Variants in OSBPL11 observed in about 807,000 individuals in gnomAD.
The protein encoded by OSBPL11 is oxysterol-binding protein-related protein 11.
OSBPL11 carries 33 observed loss-of-function variants against 84.4 expected under a neutral mutation model. The ratio of observed to expected loss-of-function variants is 0.39; its 90% CI spans 0.30 to 0.52. OSBPL11 has a LOEUF of 0.52. OSBPL11 is among the 20% of genes least tolerant of loss of function. OSBPL11 has a pLI of 0.72. For missense variants in OSBPL11, 736 were observed against 901.1 expected (o/e 0.82, Z 2.35); for synonymous variants, 276 against 310.2 (o/e 0.89, Z 1.16).
At chr3:125,590,686 GGGTGT>G (rs910591892) in intron 1 of OSBPL11, among the ~76,000 whole-genome samples, 4 of 151,662 alleles carry the variant, frequency 2.6e-5, no homozygotes, top group Admixed American at 2.6e-4. Flanking sequence ...TCGTTGTTTT[GGGTGT>G]GCACATTAAT....
chr3:125,568,605 C>T (rs1370019274), intron 5 of OSBPL11, among the ~76,000 whole-genome samples: 1 of 152,188 alleles, frequency 6.6e-6, no homozygotes, highest in African/African-American at 2.4e-5. Context: ...ACTATGAGTG[C>T]ATAATGGCTT....
intron 6 of OSBPL11, 47 bp downstream of exon 6, chr3:125,567,347 A>G (rs902998526): frequency 6.9e-7 from 1 of 1,454,236 alleles, no homozygotes; most frequent in Non-Finnish European, 9.6e-7. Context: ...AGTCCTTTCC[A>G]TGTGTTGGCC....
chr3:125,558,125 T>C (rs2107598335), intron 8 of OSBPL11, among the ~76,000 whole-genome samples: 1 of 152,270 alleles, frequency 6.6e-6, no homozygotes, highest in East Asian at 1.9e-4. Flanking sequence ...AAGGTACAAA[T>C]GTAGAGAAAG....
chr3:125,587,579 C>T (rs1936533826), intron 1 of OSBPL11, among the ~76,000 whole-genome samples: 1 of 152,124 alleles, frequency 6.6e-6, no homozygotes, highest in African/African-American at 2.4e-5. Context: ...AAATCAGGAA[C>T]AACTGAGTAG....
intron 10 of OSBPL11, among the ~76,000 whole-genome samples, chr3:125,544,449 CA>C: frequency 6.6e-6 from 1 of 152,156 alleles, no homozygotes. Flanking sequence ...GTTAAATATT[CA>C]AAAATAAGAT....
chr3:125,573,317 T>C (rs935673161), intron 5 of OSBPL11, among the ~76,000 whole-genome samples: 51 of 152,116 alleles, frequency 3.4e-4, no homozygotes, highest in Admixed American at 1.3e-4. Context: ...GGCATATAAT[T>C]TGTCTGAAAA....
rs1020481386 is a variant in OSBPL11, at chr3:125,529,946, T to C, written c.*569A>G. On this transcript the variant is annotated 3_prime_UTR_variant, in exon 13 of 13. Transcript: ENST00000296220. ...TAGGTAAGTTCCTCAGACACAGGCA[T>C]ACAGTCTTTTTGAAGAAATAGAATG... The C allele has an allele frequency of 6.5e-6, 1 of 154,046 alleles. No homozygotes were observed. Among genetic ancestry groups the C allele is most frequent in the African/African-American group, 2.4e-5 (1 of 41,394 alleles). 9.5% of individuals were successfully genotyped at this position (154,046 alleles called of 1,614,324 possible).
At chr3:125,532,588 A>AAAC (rs1935575629) in intron 11 of OSBPL11, among the ~76,000 whole-genome samples, 1 of 150,550 alleles carries the variant, frequency 6.6e-6, no homozygotes, top group Admixed American at 6.6e-5. Flanking sequence ...AAAAAAAAAA[A>AAAC]AAAACAAAAA....
intron 4 of OSBPL11, among the ~76,000 whole-genome samples, chr3:125,578,233 G>A (rs11916865): frequency 0.067 from 10,184 of 152,066 alleles, 465 homozygotes; most frequent in Non-Finnish European, 0.098. Context: ...GCAACAACAC[G>A]GATGAACCTT....
At chr3:125,541,637 G>C (rs954704249) in intron 10 of OSBPL11, among the ~76,000 whole-genome samples, 1 of 152,184 alleles carries the variant, frequency 6.6e-6, no homozygotes, top group African/African-American at 2.4e-5. Context: ...GACTTCAGTG[G>C]TGAAATCATG....
intron 2 of OSBPL11, among the ~76,000 whole-genome samples, chr3:125,580,704 C>T (rs1936411347): frequency 6.6e-6 from 1 of 151,874 alleles, no homozygotes; most frequent in Non-Finnish European, 1.5e-5. Context: ...TGCCAAAGGA[C>T]AAATGGTAGT....
chr3:125,544,435 C>T (rs1580039784), intron 10 of OSBPL11, among the ~76,000 whole-genome samples: 2 of 151,976 alleles, frequency 1.3e-5, no homozygotes, highest in East Asian at 3.9e-4. Context: ...TTGCCAAAAC[C>T]AAAGTTAAAT....
chr3:125,570,638 A>G (rs1936230266), intron 5 of OSBPL11, among the ~76,000 whole-genome samples: 1 of 152,156 alleles, frequency 6.6e-6, no homozygotes, highest in Non-Finnish European at 1.5e-5. Flanking sequence ...TGCTGTTCTC[A>G]TGATAGTGAA....
At chr3:125,581,585 A>T (rs996435870) in intron 2 of OSBPL11, among the ~76,000 whole-genome samples, 5 of 150,700 alleles carry the variant, frequency 3.3e-5, no homozygotes, top group African/African-American at 1.2e-4. Flanking sequence ...AATCCCAGCT[A>T]CTTGGGAGGC....
chr3:125,574,209 A>T (rs557776965), intron 5 of OSBPL11, among the ~76,000 whole-genome samples: 3 of 152,246 alleles, frequency 2.0e-5, no homozygotes, highest in African/African-American at 7.2e-5. Flanking sequence ...TGATAGTGAA[A>T]AGGCAGTGAC....
In OSBPL11 at chr3:125,563,787, C is replaced by T. The variant is rs1420992820; in HGVS notation, c.925G>A (p.Gly309Arg). 10 of 1,614,070 alleles carry T rather than the reference C, an allele frequency of 6.2e-6. No homozygotes were observed. In the South Asian group the frequency reaches 9.9e-5, roughly 16 times the overall value. The change falls in exon 7 of 13, where the codon GGA (glycine) becomes AGA (arginine). Residue 309 changes from glycine (G) to arginine (R), a missense_variant. This residue lies in a region of OSBPL11 where 579 missense variants were observed against 717.6 expected (regional missense o/e 0.81). Transcript: ENST00000296220. ...KISLSNHYKNGADQPFATDQS... is the reference protein window; with the variant it reads ...KISLSNHYKNRADQPFATDQS... ...TCAGTTGCAAAGGGCTGGTCAGCTCCATTTTTATAGTGGTTTGATAAAGAT... is the reference window on the plus strand; with the variant it reads ...TCAGTTGCAAAGGGCTGGTCAGCTCTATTTTTATAGTGGTTTGATAAAGAT...
At chr3:125,567,327 C>G in intron 6 of OSBPL11, 67 bp downstream of exon 6, 1 of 1,345,512 alleles carries the variant, frequency 7.4e-7, no homozygotes, top group South Asian at 1.3e-5. Context: ...ATTAGAATTA[C>G]AACAAATACA....
intron 7 of OSBPL11, among the ~76,000 whole-genome samples, chr3:125,562,375 G>A (rs983405346): frequency 4.6e-5 from 7 of 152,030 alleles, no homozygotes; most frequent in African/African-American, 1.7e-4. Context: ...ACTAACTGCT[G>A]TTTCTACAAA....
chr3:125,542,149 A>C (rs1935737789), intron 10 of OSBPL11, among the ~76,000 whole-genome samples: 1 of 152,232 alleles, frequency 6.6e-6, no homozygotes, highest in Non-Finnish European at 1.5e-5. Context: ...TTCTGCTTAC[A>C]TGCAGCAGCA....
Sources: gnomAD v4.1 joint callset for allele counts (sites outside exome capture counted in the v4.1 genomes callset) on GRCh38, gnomAD v4.1.1 for gene constraint, gnomAD v4.1.1 regional missense constraint, MANE v1.5 for transcripts, NCBI Gene and HGNC (gene_info 2026-07-23, HGNC 2026-07-21) for gene names.